The following KIAA1549 variants were observed in gnomAD, a reference collection of about 807,000 sequenced individuals.
The protein encoded by KIAA1549 is UPF0606 protein KIAA1549.
In KIAA1549, 70 loss-of-function variants were observed where a neutral mutation model predicts 156.4. The observed-to-expected ratio is 0.45, with a 90% confidence interval of 0.37 to 0.55. The LOEUF (loss-of-function observed/expected upper bound fraction) is 0.55, where lower values mean the gene tolerates loss of function less well. Among genes scored for constraint, KIAA1549 ranks in the 20% least tolerant of loss-of-function variants. KIAA1549 has a pLI of 0.00. For synonymous variants in KIAA1549, 1,103 were observed against 1,066.4 expected, an observed-to-expected ratio of 1.03 and a Z score of -0.67; for missense variants, 2,428 against 2,540.9, an observed-to-expected ratio of 0.96 and a Z score of 0.96.
chr7:138,917,312 G>A lies in KIAA1549; in HGVS notation c.2314C>T (p.Pro772Ser), dbSNP rs200244255. 2.2e-4 allele frequency: 358 copies of A among 1,613,756 alleles called. 4 individuals carry two copies. Among genetic ancestry groups the A allele is most frequent in the Non-Finnish European group, 2.2e-5 (26 of 1,179,838 alleles). Residue 772 changes from proline to serine, a missense_variant, in exon 2 of 20, where the codon CCC (proline) becomes TCC (serine). By Grantham distance (74) the Pro-to-Ser change is moderately conservative. This residue lies in a region of KIAA1549 where 762 missense variants were observed against 901.6 expected (regional missense o/e 0.85). Transcript: ENST00000422774. ...AAAATGTCAAAAGACTCAGAGCCGG[G>A]GGGCACCAGTGCAGTGACTGCGGAT... ...HESAVTALVP[P>S]GSESFDILTA...
At chr7:138,943,312 C>T (rs1257589876) in intron 1 of KIAA1549, among the ~76,000 whole-genome samples, 4 of 152,178 alleles carry the variant, frequency 2.6e-5, no homozygotes, top group Non-Finnish European at 5.9e-5. Context: ...TGCCCAAATC[C>T]CTGCCAGAGA....
chr7:138,943,588 G>A (rs969151949), intron 1 of KIAA1549, among the ~76,000 whole-genome samples: 1 of 152,142 alleles, frequency 6.6e-6, no homozygotes, highest in South Asian at 2.1e-4. Flanking sequence ...AGTGGCTCAC[G>A]CCTGTAATCC....
At chr7:138,946,615 C>T (rs1397229912) in intron 1 of KIAA1549, among the ~76,000 whole-genome samples, 1 of 152,070 alleles carries the variant, frequency 6.6e-6, no homozygotes, top group Non-Finnish European at 1.5e-5. Context: ...CCCGTCTCTA[C>T]CAAAAATACA....
At chr7:138,946,305 G>A (rs1813334582) in intron 1 of KIAA1549, among the ~76,000 whole-genome samples, 1 of 152,148 alleles carries the variant, frequency 6.6e-6, no homozygotes, top group African/African-American at 2.4e-5. Context: ...AGAGGAACCA[G>A]TGGCCTTTAA....
intron 10 of KIAA1549, among the ~76,000 whole-genome samples, chr7:138,883,712 T>C (rs1007828361): frequency 6.6e-6 from 1 of 152,152 alleles, no homozygotes; most frequent in Non-Finnish European, 1.5e-5. Flanking sequence ...AATTCAAGCT[T>C]GCAAAGCACA....
intron 8 of KIAA1549, among the ~76,000 whole-genome samples, chr7:138,901,326 A>AT (rs55728739): frequency 0.014 from 1,803 of 132,836 alleles, 19 homozygotes; most frequent in East Asian, 0.024. Flanking sequence ...CTTGAGTTTT[A>AT]TTTTTTTTTT....
At chr7:138,942,531 G>C (rs962346762) in intron 1 of KIAA1549, among the ~76,000 whole-genome samples, 5 of 151,822 alleles carry the variant, frequency 3.3e-5, no homozygotes, top group Admixed American at 3.3e-4. Flanking sequence ...GACCCAAAGA[G>C]GAGAGGTAAC....
At chr7:138,875,098 C>T (rs1811043046) in intron 12 of KIAA1549, among the ~76,000 whole-genome samples, 1 of 152,182 alleles carries the variant, frequency 6.6e-6, no homozygotes, top group Admixed American at 6.5e-5. Context: ...TTTCAATTAG[C>T]TTGAAGAGCA....
intron 1 of KIAA1549, among the ~76,000 whole-genome samples, chr7:138,931,728 G>T (rs965851889): frequency 3.4e-5 from 5 of 146,898 alleles, no homozygotes; most frequent in Non-Finnish European, 7.4e-5. Flanking sequence ...CTCCAGCCTG[G>T]GTGACAGAGC....
chr7:138,932,753 A>G (rs1812907286), intron 1 of KIAA1549, among the ~76,000 whole-genome samples: 1 of 152,136 alleles, frequency 6.6e-6, no homozygotes, highest in South Asian at 2.1e-4. Context: ...TGTTTTGGAA[A>G]TGCAGCATCT....
chr7:138,941,532 C>T (rs75956813), intron 1 of KIAA1549, among the ~76,000 whole-genome samples: 5,326 of 152,160 alleles, frequency 0.035, 152 homozygotes, highest in Non-Finnish European at 0.054. Flanking sequence ...TACAAAACAG[C>T]AAAAAATAAT....
chr7:138,868,584 C>T lies in KIAA1549; in HGVS notation c.4776-456G>A, dbSNP rs59271662. ...CTGGGATTACAGGCGCCTGCCACCA[C>T]GCCCAATTAATTTTTGTATCTTTAG... On this transcript the variant is annotated intron_variant, in intron 14 of 19. Coordinates refer to ENST00000422774, the MANE Select transcript of KIAA1549 (RefSeq NM_001164665.2). Among the ~76,000 whole-genome samples the T allele has an allele frequency of 2.6e-3, 390 of 152,276 alleles. 3 individuals are homozygous for T. Among genetic ancestry groups the T allele is most frequent in the African/African-American group, 8.9e-3 (369 of 41,554 alleles).
intron 1 of KIAA1549, among the ~76,000 whole-genome samples, chr7:138,950,863 C>T (rs529344806): frequency 1.3e-5 from 2 of 151,118 alleles, no homozygotes; most frequent in South Asian, 2.1e-4. Flanking sequence ...ACGAGGTCCC[C>T]GACCACCTCG....
chr7:138,949,136 T>C (rs1249849414), intron 1 of KIAA1549, among the ~76,000 whole-genome samples: 1 of 152,200 alleles, frequency 6.6e-6, no homozygotes, highest in Non-Finnish European at 1.5e-5. Flanking sequence ...CTCCACACTC[T>C]CGAAAAAATC....
chr7:138,980,673 C>T (rs1012173332), intron 1 of KIAA1549, among the ~76,000 whole-genome samples: 4 of 152,216 alleles, frequency 2.6e-5, no homozygotes, highest in Admixed American at 1.3e-4. Context: ...TAAAGCACAC[C>T]TCGAATCCAC....
intron 4 of KIAA1549, 128 bp downstream of exon 4, chr7:138,911,011 AACAGACT>A: frequency 1.4e-6 from 1 of 736,478 alleles, no homozygotes. Flanking sequence ...CAGCCTGGGC[AACAGACT>A]GAGATCCTGT....
At chr7:138,974,582 T>C (rs368907816) in intron 1 of KIAA1549, among the ~76,000 whole-genome samples, 9 of 151,978 alleles carry the variant, frequency 5.9e-5, no homozygotes, top group African/African-American at 1.9e-4. Context: ...CTACCATGCC[T>C]GGCTATTTTT....
At chr7:138,962,066 T>C (rs994693963) in intron 1 of KIAA1549, among the ~76,000 whole-genome samples, 5 of 152,148 alleles carry the variant, frequency 3.3e-5, no homozygotes, top group Non-Finnish European at 7.4e-5. Flanking sequence ...ATCTCTCCTC[T>C]CTCAGTTATC....
chr7:138,959,989 A>C (rs142615751), intron 1 of KIAA1549, among the ~76,000 whole-genome samples: 126 of 152,332 alleles, frequency 8.3e-4, no homozygotes, highest in African/African-American at 2.8e-3. Flanking sequence ...TGTGTCGAAA[A>C]ATTACTCCAA....
Sources: allele counts gnomAD v4.1 joint callset (sites outside exome capture counted in the v4.1 genomes callset), GRCh38; gene constraint gnomAD v4.1.1; regional missense constraint gnomAD v4.1.1; transcripts MANE v1.5; gene names NCBI Gene and HGNC (gene_info 2026-07-23, HGNC 2026-07-21).